ZNF804B: variants seen among roughly 807,000 people sequenced by gnomAD.
ZNF804B encodes the protein zinc finger 804B.
A neutral mutation model predicts 101.4 loss-of-function variants in ZNF804B; 80 were observed. That is an observed-to-expected ratio of 0.79 (90% CI 0.66 to 0.95). The LOEUF (loss-of-function observed/expected upper bound fraction) is 0.95. ZNF804B is among the 40% of genes least tolerant of loss of function. The pLI is 0.00. For missense variants in ZNF804B, 1,673 were observed against 1,561.9 expected, an observed-to-expected ratio of 1.07 and a Z score of -1.20; for synonymous variants, 622 against 558.8, an observed-to-expected ratio of 1.11 and a Z score of -1.59.
intron 1 of ZNF804B, among the ~76,000 whole-genome samples, chr7:88,987,818 T>C (rs1424929581): frequency 1.3e-5 from 2 of 152,026 alleles, no homozygotes; most frequent in African/African-American, 4.8e-5. Flanking sequence ...TTCTTAACAA[T>C]AGTTGTCTTA....
Sources: gnomAD v4.1 joint callset for allele counts (sites outside exome capture counted in the v4.1 genomes callset) on GRCh38, gnomAD v4.1.1 for gene constraint, MANE v1.5 for transcripts, NCBI Gene and HGNC (gene_info 2026-07-23, HGNC 2026-07-21) for gene names.